The following PPARGC1A variants were observed in gnomAD, a reference collection of about 807,000 sequenced individuals.
PPARGC1A encodes peroxisome proliferator-activated receptor gamma coactivator 1-alpha.
In PPARGC1A, 25 loss-of-function variants were observed where a neutral mutation model predicts 88.7. The observed-to-expected ratio is 0.28, with a 90% confidence interval of 0.21 to 0.39. The LOEUF (loss-of-function observed/expected upper bound fraction) is 0.39, where lower values mean the gene tolerates loss of function less well. PPARGC1A is among the 10% of genes least tolerant of loss of function. PPARGC1A has a pLI of 1.00. For synonymous variants in PPARGC1A, 363 were observed against 355.6 expected (o/e 1.02, Z -0.24); for missense variants, 880 against 968.7 (o/e 0.91, Z 1.22).
chr4:23,917,054 C>A, the PPARGC1A span, among the ~76,000 whole-genome samples: 1 of 152,198 alleles, frequency 6.6e-6, no homozygotes, highest in East Asian at 1.9e-4. Flanking sequence ...TGCTACCTCA[C>A]CCTCCTCTGC....
chr4:24,273,897 AT>A, the PPARGC1A span, among the ~76,000 whole-genome samples: 50 of 146,332 alleles, frequency 3.4e-4, no homozygotes, highest in East Asian at 2.8e-3. Context: ...CGCCCAGCTA[AT>A]TTTTTTTTTT....
chr4:24,021,708 A>G, the PPARGC1A span, among the ~76,000 whole-genome samples: 2 of 152,208 alleles, frequency 1.3e-5, no homozygotes, highest in Non-Finnish European at 2.9e-5. Flanking sequence ...AAAGGAAGCT[A>G]ATAACAACTG....
the PPARGC1A span, among the ~76,000 whole-genome samples, chr4:23,928,430 A>T: frequency 1.3e-5 from 2 of 152,322 alleles, no homozygotes; most frequent in East Asian, 3.9e-4. Flanking sequence ...AGTGATTGTT[A>T]TTAAAAAGTC....
At chr4:24,351,404 A>AG in the PPARGC1A span, among the ~76,000 whole-genome samples, 3 of 151,860 alleles carry the variant, frequency 2.0e-5, no homozygotes, top group Non-Finnish European at 2.9e-5. Context: ...AAAAAAAAAA[A>AG]AAAAGAAAAG....
the PPARGC1A span, among the ~76,000 whole-genome samples, chr4:24,376,313 C>T: frequency 1.3e-5 from 2 of 152,162 alleles, no homozygotes; most frequent in African/African-American, 4.8e-5. Context: ...AATGATACTT[C>T]GGCAATTCAG....
chr4:24,242,465 G>A, the PPARGC1A span, among the ~76,000 whole-genome samples: 1 of 152,140 alleles, frequency 6.6e-6, no homozygotes, highest in East Asian at 1.9e-4. Flanking sequence ...TTGCTGGCTT[G>A]GAAGATGCCC....
the PPARGC1A span, among the ~76,000 whole-genome samples, chr4:24,312,172 C>T: frequency 4.6e-5 from 7 of 152,294 alleles, no homozygotes; most frequent in South Asian, 8.3e-4. Flanking sequence ...GTAATGACAT[C>T]CCCACCAATG....
chr4:24,099,000 T>A, the PPARGC1A span, among the ~76,000 whole-genome samples: 3 of 152,284 alleles, frequency 2.0e-5, no homozygotes, highest in East Asian at 3.9e-4. Context: ...CTTTCCAGTA[T>A]GTTTATATCC....
the PPARGC1A span, among the ~76,000 whole-genome samples, chr4:24,245,303 G>A: frequency 1.6e-4 from 25 of 152,280 alleles, no homozygotes; most frequent in Non-Finnish European, 2.6e-4. Flanking sequence ...GCATTGGAGC[G>A]TCTTATTTTA....
chr4:24,023,006 G>A, the PPARGC1A span, among the ~76,000 whole-genome samples: 1 of 152,006 alleles, frequency 6.6e-6, no homozygotes, highest in African/African-American at 2.4e-5. Flanking sequence ...AAAATTTGAA[G>A]GCAACACTTA....
chr4:24,192,787 A>G, the PPARGC1A span, among the ~76,000 whole-genome samples: 1 of 152,214 alleles, frequency 6.6e-6, no homozygotes, highest in African/African-American at 2.4e-5. Flanking sequence ...TCCTATTTTT[A>G]TACATACATA....
chr4:24,150,882 C>A, the PPARGC1A span, among the ~76,000 whole-genome samples: 4 of 152,108 alleles, frequency 2.6e-5, no homozygotes, highest in Non-Finnish European at 4.4e-5. Flanking sequence ...ATAATTTGCC[C>A]ATCCTAATAT....
At chr4:24,339,223 T>TACACAC in the PPARGC1A span, among the ~76,000 whole-genome samples, 595 of 72,404 alleles carry the variant, frequency 8.2e-3, 2 homozygotes, top group Non-Finnish European at 0.013. Flanking sequence ...TATATATATA[T>TACACAC]ATATATATAT....
the PPARGC1A span, among the ~76,000 whole-genome samples, chr4:24,262,743 T>C: frequency 7.2e-5 from 11 of 152,260 alleles, no homozygotes; most frequent in East Asian, 2.1e-3. Flanking sequence ...GATGTGGTTT[T>C]AGTGGATGAA....
At chr4:24,374,867 A>G in the PPARGC1A span, among the ~76,000 whole-genome samples, 1 of 152,168 alleles carries the variant, frequency 6.6e-6, no homozygotes, top group Non-Finnish European at 1.5e-5. Flanking sequence ...GTGTTACTAT[A>G]TGACCCAACA....
chr4:24,298,213 G>C, the PPARGC1A span, among the ~76,000 whole-genome samples: 453 of 152,056 alleles, frequency 3.0e-3, 1 homozygote, highest in African/African-American at 0.011. Flanking sequence ...GAAAGAAAAG[G>C]AGGTAGATGC....
chr4:24,018,038 G>A, the PPARGC1A span, among the ~76,000 whole-genome samples: 2 of 151,942 alleles, frequency 1.3e-5, no homozygotes, highest in African/African-American at 4.8e-5. Context: ...GAACTCTAAG[G>A]GTCAAGTTAT....
chr4:24,380,980 T>TA, the PPARGC1A span, among the ~76,000 whole-genome samples: 2,904 of 134,426 alleles, frequency 0.022, 79 homozygotes, highest in African/African-American at 0.071. Flanking sequence ...CTGTGTGATT[T>TA]AAAAAAAAAA....
At chr4:24,326,324 A>G in the PPARGC1A span, among the ~76,000 whole-genome samples, 1 of 152,114 alleles carries the variant, frequency 6.6e-6, no homozygotes, top group Non-Finnish European at 1.5e-5. Flanking sequence ...AAAACCAGAC[A>G]AGCCTTACAA....
Sources: allele counts gnomAD v4.1 joint callset (sites outside exome capture counted in the v4.1 genomes callset), GRCh38; gene constraint gnomAD v4.1.1; transcripts MANE v1.5; gene names NCBI Gene and HGNC (gene_info 2026-07-23, HGNC 2026-07-21).